RBFOX1: variants seen among roughly 807,000 people sequenced by gnomAD.
The protein encoded by RBFOX1 is RNA binding protein fox-1 homolog 1.
A neutral mutation model predicts 57.7 loss-of-function variants in RBFOX1; 8 were observed. The observed-to-expected ratio is 0.14, with a 90% CI of 0.08 to 0.25. The LOEUF is 0.25. Ranked by LOEUF, RBFOX1 falls within the 10% of genes least tolerant of loss-of-function variation. The pLI, the probability that RBFOX1 is intolerant of heterozygous loss-of-function variation, is 1.00. For missense variants in RBFOX1, 611 were observed against 548.5 expected (o/e 1.11, Z -1.14); for synonymous variants, 326 against 222.4 (o/e 1.47, Z -4.15).
At chr16:6,149,228 C>T (rs190912690) in intron 1 of RBFOX1, among the ~76,000 whole-genome samples, 2 of 152,138 alleles carry the variant, frequency 1.3e-5, no homozygotes, top group African/African-American at 2.4e-5. Context: ...TGTGCGCGCG[C>T]GTGCGCGGAT....
At chr16:6,363,936 C>G in intron 2 of RBFOX1, among the ~76,000 whole-genome samples, 1 of 151,876 alleles carries the variant, frequency 6.6e-6, no homozygotes, top group East Asian at 1.9e-4. Context: ...TCATATCGTA[C>G]AATAAAAAGA....
At chr16:6,978,764 C>T (rs2087812465) in intron 3 of RBFOX1, among the ~76,000 whole-genome samples, 1 of 152,186 alleles carries the variant, frequency 6.6e-6, no homozygotes, top group Non-Finnish European at 1.5e-5. Flanking sequence ...GATTTGAACC[C>T]CAGTGGCCTG....
intron 3 of RBFOX1, among the ~76,000 whole-genome samples, chr16:6,767,598 A>G (rs1333458376): frequency 6.6e-6 from 1 of 152,090 alleles, no homozygotes; most frequent in African/African-American, 2.4e-5. Context: ...AAATCTTTCA[A>G]ATCCCAAAGA....
intron 1 of RBFOX1, among the ~76,000 whole-genome samples, chr16:5,335,311 C>A (rs2064868009): frequency 1.3e-5 from 2 of 152,072 alleles, no homozygotes; most frequent in African/African-American, 4.8e-5. Context: ...TTGGATGGAG[C>A]CTGAGGCTTG....
chr16:7,392,104 C>G (rs529485493), intron 4 of RBFOX1, among the ~76,000 whole-genome samples: 2 of 152,210 alleles, frequency 1.3e-5, no homozygotes, highest in East Asian at 1.9e-4. Context: ...AAGTTGCACA[C>G]CCACTTCTCC....
chr16:6,442,399 A>G (rs572167758), intron 2 of RBFOX1, among the ~76,000 whole-genome samples: 1 of 152,204 alleles, frequency 6.6e-6, no homozygotes, highest in African/African-American at 2.4e-5. Flanking sequence ...TCTACTGAAA[A>G]TACAAAAATT....
At chr16:7,217,553 T>C (rs1040195898) in intron 4 of RBFOX1, among the ~76,000 whole-genome samples, 1 of 152,118 alleles carries the variant, frequency 6.6e-6, no homozygotes, top group African/African-American at 2.4e-5. Flanking sequence ...CATCACTCTT[T>C]ATCTTATCCC....
At chr16:5,965,016 G>T (rs1382771437) in intron 4 of RBFOX1, among the ~76,000 whole-genome samples, 1 of 152,082 alleles carries the variant, frequency 6.6e-6, no homozygotes, top group Non-Finnish European at 1.5e-5. Flanking sequence ...ATTATGCTAG[G>T]TGAAGTAAGC....
At chr16:7,555,957 G>T (rs1329403450) in intron 5 of RBFOX1, among the ~76,000 whole-genome samples, 2 of 152,066 alleles carry the variant, frequency 1.3e-5, no homozygotes, top group African/African-American at 4.8e-5. Flanking sequence ...TGAGAGGAGG[G>T]ATTTTTTCCT....
At chr16:5,702,238 T>C (rs1477500543) in intron 3 of RBFOX1, among the ~76,000 whole-genome samples, 1 of 152,184 alleles carries the variant, frequency 6.6e-6, no homozygotes, top group Non-Finnish European at 1.5e-5. Flanking sequence ...CTTACAATTA[T>C]AGCAGAAGGT....
At chr16:7,208,490 C>T (rs551195198) in intron 4 of RBFOX1, among the ~76,000 whole-genome samples, 2 of 152,186 alleles carry the variant, frequency 1.3e-5, no homozygotes, top group South Asian at 4.1e-4. Flanking sequence ...TGCAGAGATA[C>T]ATAGTGGGAG....
At chr16:6,942,855 T>C (rs1426649498) in intron 3 of RBFOX1, among the ~76,000 whole-genome samples, 1 of 152,228 alleles carries the variant, frequency 6.6e-6, no homozygotes, top group Admixed American at 6.5e-5. Flanking sequence ...GGACAGTCCT[T>C]CTACATGGGT....
intron 3 of RBFOX1, among the ~76,000 whole-genome samples, chr16:5,861,460 C>T (rs903340385): frequency 3.3e-5 from 5 of 152,194 alleles, no homozygotes; most frequent in African/African-American, 1.2e-4. Context: ...AGCAGAGCCT[C>T]TTTCACTCTG....
At chr16:7,020,185 C>T (rs1032159329) in intron 3 of RBFOX1, among the ~76,000 whole-genome samples, 7 of 152,048 alleles carry the variant, frequency 4.6e-5, no homozygotes, top group African/African-American at 1.7e-4. Flanking sequence ...CTGTGTAAAT[C>T]TAAAATATTT....
chr16:6,221,973 C>A (rs5008172), intron 1 of RBFOX1, among the ~76,000 whole-genome samples: 142,618 of 152,150 alleles, frequency 0.94, 67,502 homozygotes, highest in East Asian at 1. Context: ...TAGTCCCTAT[C>A]ATAAGGGAAG....
At chr16:5,940,385 ATCC>A (rs1328967412) in intron 4 of RBFOX1, among the ~76,000 whole-genome samples, 2 of 152,034 alleles carry the variant, frequency 1.3e-5, no homozygotes, top group African/African-American at 4.8e-5. Context: ...TTCTCATTTG[ATCC>A]TCCTATTAGC....
At position 7,593,987 on chromosome 16, in the gene RBFOX1, T is replaced by C. The variant is rs1021930018; in HGVS notation, c.469-1562T>C. 7.9e-5 allele frequency among the ~76,000 whole-genome samples: 12 copies of C among 152,146 alleles called. 1 individual carries two copies. The highest frequency in any genetic ancestry group is 2.0e-4 in the Admixed American group (3 of 15,270). ...ATTGCACAATACTTTTTTTGTTGTT[T>C]TATTATACTTTAAGTTCTAGGGTAC... On this transcript the variant is annotated intron_variant, in intron 7 of 15. Coordinates refer to ENST00000550418, the MANE Select transcript of RBFOX1 (RefSeq NM_018723.4).
chr16:6,155,054 T>C (rs2096829032), intron 1 of RBFOX1, among the ~76,000 whole-genome samples: 1 of 152,244 alleles, frequency 6.6e-6, no homozygotes, highest in African/African-American at 2.4e-5. Flanking sequence ...TTGGAGGAAA[T>C]AGGAATGCTG....
chr16:5,347,285 T>C (rs1734614553), intron 1 of RBFOX1, among the ~76,000 whole-genome samples: 1 of 152,198 alleles, frequency 6.6e-6, no homozygotes, highest in South Asian at 2.1e-4. Flanking sequence ...TTCAGTGCTG[T>C]ATATGTGCAT....
Sources: allele counts gnomAD v4.1 joint callset (sites outside exome capture counted in the v4.1 genomes callset), GRCh38; gene constraint gnomAD v4.1.1; transcripts MANE v1.5; gene names NCBI Gene and HGNC (gene_info 2026-07-23, HGNC 2026-07-21).